ARHGEF9: variants seen among roughly 807,000 people sequenced by gnomAD.
ARHGEF9 encodes Cdc42 guanine nucleotide exchange factor 9.
Under a neutral mutation model 41.3 loss-of-function variants are expected in ARHGEF9, and 2 were observed. The observed-to-expected ratio is 0.05, with a 90% CI of 0.02 to 0.15. The LOEUF is 0.15. Ranked by LOEUF, ARHGEF9 falls within the 10% of genes least tolerant of loss-of-function variation. The pLI is 1.00. For synonymous variants in ARHGEF9, 160 were observed against 154.4 expected (o/e 1.04, Z -0.27); for missense variants, 225 against 424.7 (o/e 0.53, Z 4.13).
At chrX:63,650,220 C>G (rs1235672619) in intron 8 of ARHGEF9, among the ~76,000 whole-genome samples, 7 of 111,241 alleles carry the variant, frequency 6.3e-5, no homozygotes, top group Admixed American at 2.9e-4. Context: ...GAGGAAATAT[C>G]TATGCTCTCA....
chrX:63,650,838 G>C (rs2048498159), intron 8 of ARHGEF9, among the ~76,000 whole-genome samples: 1 of 109,583 alleles, frequency 9.1e-6, no homozygotes, highest in South Asian at 3.8e-4. Flanking sequence ...ATTAAAGTGA[G>C]AAAATAAAAA....
chrX:63,763,717 A>G (rs1341578651), intron 1 of ARHGEF9, among the ~76,000 whole-genome samples: 1 of 111,058 alleles, frequency 9.0e-6, no homozygotes, highest in Non-Finnish European at 1.9e-5. Flanking sequence ...CAAACCCCTG[A>G]CTCTCAGTCA....
chrX:63,697,411 G>A (rs1330657265), intron 3 of ARHGEF9, 107 bp from the exon 4 acceptor site: 1 of 697,027 alleles, frequency 1.4e-6, no homozygotes, highest in African/African-American at 2.1e-5. Flanking sequence ...AGTAGGCATG[G>A]AATAATTATT....
chrX:63,719,703 C>T (rs2053530328), intron 2 of ARHGEF9: 1 of 295,914 alleles, frequency 3.4e-6, no homozygotes, highest in Non-Finnish European at 5.9e-6. Context: ...GCTGAGGTGA[C>T]AGTGGCCCAC....
intron 7 of ARHGEF9, among the ~76,000 whole-genome samples, chrX:63,658,448 G>A (rs1296391389): frequency 1.8e-5 from 2 of 112,153 alleles, no homozygotes; most frequent in South Asian, 3.7e-4. Flanking sequence ...TGAGTTTGAT[G>A]CCTTGCTGCC....
chrX:63,639,301 G>A (rs1339055212), intron 9 of ARHGEF9: 10 of 112,130 alleles, frequency 8.9e-5, no homozygotes, highest in African/African-American at 2.6e-4. Flanking sequence ...AGTGTCAGAA[G>A]TATGAGGGTA....
chrX:63,705,357 ATGTGTGTGTGTGTGTG>A lies in ARHGEF9; in HGVS notation c.402+885_402+900del, dbSNP rs58549005. Among the ~76,000 whole-genome samples the A allele has an allele frequency of 2.6e-3, 212 of 82,096 alleles. 1 individual carries two copies. Among genetic ancestry groups the A allele is most frequent in the African/African-American group, 8.1e-3 (190 of 23,571 alleles). 71.3% of individuals were successfully genotyped at this position (82,096 alleles called of 115,157 possible). On this transcript the variant is annotated intron_variant, in intron 3 of 9. Transcript: ENST00000671741. ...GTCAAGAAGAAAGATATAAGAGAGA[ATGTGTGTGTGTGTGTG>A]TGTGTGTGTGTGTGTGTGTGTGTGT...
At chrX:63,663,139 T>C (rs1460848114) in intron 7 of ARHGEF9, among the ~76,000 whole-genome samples, 2 of 111,718 alleles carry the variant, frequency 1.8e-5, no homozygotes, top group Non-Finnish European at 3.8e-5. Flanking sequence ...TGGGCTTCAA[T>C]TCCCTTTGAA....
chrX:63,690,159 A>G (rs1472359802), intron 4 of ARHGEF9, among the ~76,000 whole-genome samples: 1 of 111,972 alleles, frequency 8.9e-6, no homozygotes, highest in Non-Finnish European at 1.9e-5. Flanking sequence ...CAGAGCAGAA[A>G]TAAATGAAAT....
At chrX:63,744,211 C>G (rs1461535433) in intron 1 of ARHGEF9, among the ~76,000 whole-genome samples, 1 of 112,457 alleles carries the variant, frequency 8.9e-6, no homozygotes, top group African/African-American at 3.2e-5. Context: ...TCTGCCTGAA[C>G]TGAAAAATAA....
At chrX:63,643,615 G>A (rs1556308882) in intron 9 of ARHGEF9, among the ~76,000 whole-genome samples, 3 of 110,418 alleles carry the variant, frequency 2.7e-5, no homozygotes, top group Non-Finnish European at 5.7e-5. Context: ...AAAGTGCTGG[G>A]ATTACAGGCG....
chrX:63,644,167 CA>C lies in ARHGEF9; in HGVS notation c.1322-120del, dbSNP rs35995120. On this transcript the variant is annotated intron_variant, in intron 8 of 9. Transcript: ENST00000671741. ...AAGACATATAAAAAATCTTGAAATA[CA>C]AAAAAAAAAAAAATCATTCCCTTTA... The C allele has an allele frequency of 0.2, 57,678 of 295,428 alleles. 15 individuals carry two copies. Among genetic ancestry groups the C allele is most frequent in the East Asian group, 0.26 (4,207 of 16,270 alleles). The allele number at this position is 295,428 out of a possible 1,213,427, so 24.3% of individuals were successfully genotyped here. A position where few individuals can be genotyped will look rare whatever the true frequency, so the allele number is the denominator to read the frequency against.
chrX:63,667,669 G>A (rs1354296672), intron 6 of ARHGEF9, among the ~76,000 whole-genome samples: 1 of 110,631 alleles, frequency 9.0e-6, no homozygotes. Context: ...AGGAAAGGGG[G>A]AACTCAGTAG....
chrX:63,727,154 T>A (rs2054020228), intron 1 of ARHGEF9: 1 of 112,032 alleles, frequency 8.9e-6, no homozygotes, highest in Admixed American at 9.4e-5. Context: ...TAGCTTTTTA[T>A]CAAGGGTCAA....
intron 7 of ARHGEF9, among the ~76,000 whole-genome samples, chrX:63,665,646 TA>T (rs1328038089): frequency 4.8e-4 from 53 of 111,143 alleles, no homozygotes; most frequent in African/African-American, 1.7e-3. Flanking sequence ...GGGCAAAGGG[TA>T]AAAAAAATAC....
chrX:63,742,802 C>A (rs1234761191), intron 1 of ARHGEF9, among the ~76,000 whole-genome samples: 2 of 111,983 alleles, frequency 1.8e-5, no homozygotes, highest in African/African-American at 6.5e-5. Flanking sequence ...CTCATGTATC[C>A]CTGGACAATG....
intron 4 of ARHGEF9, among the ~76,000 whole-genome samples, chrX:63,692,027 CT>C (rs782091291): frequency 4.7e-4 from 52 of 111,541 alleles, no homozygotes; most frequent in Non-Finnish European, 8.9e-4. Flanking sequence ...AACTAGACCC[CT>C]ATCTCTCACC....
intron 2 of ARHGEF9, among the ~76,000 whole-genome samples, chrX:63,708,201 A>G (rs2052682670): frequency 8.9e-6 from 1 of 111,846 alleles, no homozygotes; most frequent in Non-Finnish European, 1.9e-5. Context: ...TATTTGTACC[A>G]ATGAAAACCT....
At chrX:63,695,310 A>C (rs1556386614) in intron 4 of ARHGEF9, among the ~76,000 whole-genome samples, 3 of 112,008 alleles carry the variant, frequency 2.7e-5, no homozygotes, top group East Asian at 2.8e-4. Context: ...TATAAGGTAC[A>C]TACATCTAGT....
Sources: allele counts gnomAD v4.1 joint callset (sites outside exome capture counted in the v4.1 genomes callset), GRCh38; gene constraint gnomAD v4.1.1; transcripts MANE v1.5; gene names NCBI Gene and HGNC (gene_info 2026-07-23, HGNC 2026-07-21).